EXOC4: variants seen among roughly 807,000 people sequenced by gnomAD.
EXOC4 encodes the protein SEC8-like 1.
EXOC4 carries 71 observed loss-of-function variants against 107.2 expected under a neutral mutation model. That is an observed-to-expected ratio of 0.66 (90% confidence interval 0.55 to 0.81). The LOEUF (loss-of-function observed/expected upper bound fraction) is 0.81. EXOC4 is among the 30% of genes least tolerant of loss of function. The pLI, the probability that EXOC4 is intolerant of heterozygous loss-of-function variation, is 0.00. For synonymous variants in EXOC4, 456 were observed against 441.2 expected (o/e 1.03, Z -0.42); for missense variants, 1,108 against 1,189.6 (o/e 0.93, Z 1.01).
chr7:133,532,345 C>T (rs1800196472), intron 9 of EXOC4, among the ~76,000 whole-genome samples: 1 of 151,974 alleles, frequency 6.6e-6, no homozygotes, highest in Non-Finnish European at 1.5e-5. Flanking sequence ...CTCAAAAAGA[C>T]AAGATTTATG....
At chr7:134,013,025 A>G (rs1210790972) in intron 17 of EXOC4, among the ~76,000 whole-genome samples, 2 of 152,208 alleles carry the variant, frequency 1.3e-5, no homozygotes, top group Non-Finnish European at 2.9e-5. Flanking sequence ...TTTATCTTTC[A>G]TACACAACTT....
chr7:133,464,989 A>G (rs1368802825), intron 7 of EXOC4, among the ~76,000 whole-genome samples: 1 of 147,960 alleles, frequency 6.8e-6, no homozygotes, highest in Non-Finnish European at 1.5e-5. Context: ...CTAATTTTTA[A>G]TTTTTTTTTG....
intron 8 of EXOC4, among the ~76,000 whole-genome samples, chr7:133,476,693 A>T (rs1799021865): frequency 6.6e-6 from 1 of 152,224 alleles, no homozygotes; most frequent in African/African-American, 2.4e-5. Context: ...AGTTTTATTC[A>T]GAGAGTGGAT....
intron 17 of EXOC4, among the ~76,000 whole-genome samples, chr7:134,045,147 C>T (rs12668054): frequency 0.16 from 24,855 of 152,142 alleles, 2,585 homozygotes; most frequent in East Asian, 0.43. Flanking sequence ...TTATGGTCCT[C>T]CTTAATAATA....
chr7:133,928,335 A>G (rs1466239622), intron 13 of EXOC4, among the ~76,000 whole-genome samples: 1 of 152,148 alleles, frequency 6.6e-6, no homozygotes, highest in East Asian at 1.9e-4. Context: ...GACAAGGGCA[A>G]GCGGTGAGAC....
At chr7:133,430,980 A>G (rs1478697910) in intron 7 of EXOC4, among the ~76,000 whole-genome samples, 1 of 152,186 alleles carries the variant, frequency 6.6e-6, no homozygotes, top group Non-Finnish European at 1.5e-5. Context: ...TCAGCACTGT[A>G]AATACTAGGT....
At chr7:133,906,984 G>C (rs965664222) in intron 12 of EXOC4, among the ~76,000 whole-genome samples, 2 of 152,144 alleles carry the variant, frequency 1.3e-5, no homozygotes, top group East Asian at 1.9e-4. Context: ...AAGAACCCCA[G>C]GTCAGAGAAC....
intron 7 of EXOC4, among the ~76,000 whole-genome samples, chr7:133,390,868 T>G (rs1305760151): frequency 6.6e-6 from 1 of 152,242 alleles, no homozygotes; most frequent in East Asian, 1.9e-4. Flanking sequence ...TACTTTTCCC[T>G]AGTTGCAGAA....
intron 10 of EXOC4, among the ~76,000 whole-genome samples, chr7:133,713,547 A>C (rs1374987122): frequency 1.3e-5 from 2 of 152,210 alleles, no homozygotes; most frequent in African/African-American, 4.8e-5. Flanking sequence ...GTAAACAAAC[A>C]CAAGAAAGGT....
intron 9 of EXOC4, among the ~76,000 whole-genome samples, chr7:133,614,108 C>T (rs770127694): frequency 5.9e-5 from 9 of 151,990 alleles, no homozygotes; most frequent in Non-Finnish European, 7.4e-5. Flanking sequence ...AGGATGTCGG[C>T]CTGAACAGGT....
chr7:133,347,816 G>A (rs1795821004), intron 5 of EXOC4, among the ~76,000 whole-genome samples: 1 of 152,110 alleles, frequency 6.6e-6, no homozygotes, highest in Non-Finnish European at 1.5e-5. Flanking sequence ...TGGTTAAAGG[G>A]CATTAAAATC....
At chr7:133,851,415 C>A (rs1179451878) in intron 11 of EXOC4, among the ~76,000 whole-genome samples, 1 of 152,216 alleles carries the variant, frequency 6.6e-6, no homozygotes, top group Non-Finnish European at 1.5e-5. Flanking sequence ...AACTCCTGAG[C>A]TCAACCCGTC....
At chr7:134,100,835 T>C in the EXOC4 span, among the ~76,000 whole-genome samples, 1 of 128,682 alleles carries the variant, frequency 7.8e-6, no homozygotes, top group African/African-American at 2.7e-5. Context: ...TCCCAGCTAC[T>C]TGGGAGGCTG....
chr7:133,669,592 C>CCTGA (rs5887641), intron 10 of EXOC4, among the ~76,000 whole-genome samples: 150,348 of 152,320 alleles, frequency 0.99, 74,235 homozygotes, highest in East Asian at 1. Context: ...TCGCTAAATG[C>CCTGA]CTGTGTTTAA....
intron 10 of EXOC4, among the ~76,000 whole-genome samples, chr7:133,812,329 G>A (rs551500589): frequency 3.7e-4 from 56 of 152,272 alleles, no homozygotes; most frequent in African/African-American, 1.3e-3. Context: ...ACAATCTTGT[G>A]AGGTAGGTAG....
chr7:133,336,264 A>G lies in EXOC4; in HGVS notation c.763+18874A>G, dbSNP rs1403752013. 4.6e-5 allele frequency among the ~76,000 whole-genome samples: 7 copies of G among 152,120 alleles called. No individual in the cohort carries two copies. In the East Asian group the frequency reaches 7.7e-4, roughly 17 times the overall value. ...ATCCTGGAAATCCTTGCCAAATCCAATGTTGTGAGGCCTACCCCCCTGTGT... is the reference window on the plus strand; with the variant it reads ...ATCCTGGAAATCCTTGCCAAATCCAGTGTTGTGAGGCCTACCCCCCTGTGT... On this transcript the variant is annotated intron_variant, in intron 5 of 17. Coordinates refer to ENST00000253861, the MANE Select transcript of EXOC4 (RefSeq NM_021807.4).
intron 14 of EXOC4, among the ~76,000 whole-genome samples, chr7:133,960,470 C>T (rs1800916911): frequency 6.6e-6 from 1 of 152,158 alleles, no homozygotes; most frequent in Admixed American, 6.5e-5. Flanking sequence ...GTGAATCCAT[C>T]TGGTCTTGGA....
chr7:133,673,971 A>G (rs1794001272), intron 10 of EXOC4, among the ~76,000 whole-genome samples: 1 of 152,232 alleles, frequency 6.6e-6, no homozygotes, highest in African/African-American at 2.4e-5. Context: ...GGAAGAGCAG[A>G]TGCTAGGGTT....
At chr7:133,726,107 A>G (rs1208422621) in intron 10 of EXOC4, among the ~76,000 whole-genome samples, 2 of 152,206 alleles carry the variant, frequency 1.3e-5, no homozygotes, top group African/African-American at 4.8e-5. Flanking sequence ...GACTGCAGCT[A>G]TATACACTTG....
Sources: gnomAD v4.1 joint callset for allele counts (sites outside exome capture counted in the v4.1 genomes callset) on GRCh38, gnomAD v4.1.1 for gene constraint, MANE v1.5 for transcripts, NCBI Gene and HGNC (gene_info 2026-07-23, HGNC 2026-07-21) for gene names.